Variants in PTPN21 observed in about 807,000 individuals in gnomAD.
PTPN21 encodes the protein tyrosine-protein phosphatase non-receptor type 21.
In PTPN21, 77 loss-of-function variants were observed where a neutral mutation model predicts 131.8. The observed-to-expected ratio is 0.58, with a 90% CI of 0.49 to 0.71. The LOEUF (loss-of-function observed/expected upper bound fraction) is 0.71, where lower values mean the gene tolerates loss of function less well. PTPN21 is among the 30% of genes least tolerant of loss of function. The pLI is 0.00. For synonymous variants in PTPN21, 715 were observed against 621.3 expected, an observed-to-expected ratio of 1.15 and a Z score of -2.24; for missense variants, 1,552 against 1,527.1, an observed-to-expected ratio of 1.02 and a Z score of -0.27.
rs199528763 is a variant in PTPN21 at position 88,468,920 on chromosome 14, T to C, written c.3392A>G (p.Asn1131Ser). The C allele has an allele frequency of 9.9e-5, 159 of 1,613,980 alleles. No individual in the cohort carries two copies. Among genetic ancestry groups the C allele is most frequent in the Middle Eastern group, 4.9e-4 (3 of 6,076 alleles). Residue 1131 changes from asparagine (N) to serine (S), a missense_variant, in exon 18 of 19, where the codon AAT (asparagine) becomes AGT (serine). This residue lies in a region of PTPN21 where 316 missense variants were observed against 378.5 expected (regional missense o/e 0.83). Transcript: ENST00000556564. ...GGTGATCATAAGCGCCATCACCTCA[T>C]TGTGTTCCAGGCAGGCGATCATGAT... ...SEIMIACLEHNEVLDIPRVLD... is the reference protein window; with the variant it reads ...SEIMIACLEHSEVLDIPRVLD...
chr14:88,508,476 A>T (rs188781047), intron 3 of PTPN21, among the ~76,000 whole-genome samples: 192 of 152,284 alleles, frequency 1.3e-3, no homozygotes, highest in African/African-American at 4.4e-3. Context: ...AGGATGAGAA[A>T]GTCCTCAACC....
intron 14 of PTPN21, 127 bp downstream of exon 14, chr14:88,473,538 A>G: frequency 8.3e-7 from 1 of 1,199,464 alleles, no homozygotes; most frequent in East Asian, 2.6e-5. Context: ...CCATATTACA[A>G]AATTCCTTAA....
intron 10 of PTPN21, among the ~76,000 whole-genome samples, chr14:88,486,753 G>T (rs1038114315): frequency 1.3e-5 from 2 of 152,040 alleles, no homozygotes; most frequent in Non-Finnish European, 2.9e-5. Context: ...AAGGCGGGTG[G>T]ATCACCTGAA....
At chr14:88,492,080 C>T (rs1282461303) in intron 10 of PTPN21, among the ~76,000 whole-genome samples, 2 of 151,196 alleles carry the variant, frequency 1.3e-5, no homozygotes, top group Non-Finnish European at 2.9e-5. Flanking sequence ...CAGGCACTAA[C>T]CACCAACCAA....
rs1158136561 is a variant in PTPN21 at position 88,500,909 on chromosome 14, C to G, written c.676-38G>C. 6 of 1,469,754 alleles carry G rather than the reference C, an allele frequency of 4.1e-6. No homozygotes were observed. In the Admixed American group the frequency reaches 5.0e-5, roughly 12 times the overall value. The allele number at this position is 1,469,754 out of a possible 1,614,324, so 91.0% of individuals were successfully genotyped here. Reference sequence around the variant, plus strand: ...AGCAGAAGAAGAAACACCCAGGAAGCAGATGCAGAGGAACTGCTGCTAGAG... The same window carrying G: ...AGCAGAAGAAGAAACACCCAGGAAGGAGATGCAGAGGAACTGCTGCTAGAG... On this transcript the variant is annotated intron_variant, in intron 7 of 18. Coordinates refer to ENST00000556564, the MANE Select transcript of PTPN21 (RefSeq NM_007039.4).
In PTPN21 at chr14:88,517,253, G is replaced by T; in HGVS notation, c.189C>A (p.Tyr63Ter). 6.2e-7 allele frequency: 1 copy of T among 1,613,964 alleles called. No individual in the cohort carries two copies. Among genetic ancestry groups the T allele is most frequent in the Non-Finnish European group, 8.5e-7 (1 of 1,179,874 alleles). Reference protein sequence around the residue: ...AQRLELREVTYFSLWYYNKQN... With the variant: ...AQRLELREVT ...GCTTGTTGTAGTACCAGAGGCTGAAGTAAGTGACCTGGAAAGACAGAAGGT... is the reference window on the plus strand; with the variant it reads ...GCTTGTTGTAGTACCAGAGGCTGAATTAAGTGACCTGGAAAGACAGAAGGT... The change falls in exon 3 of 19, where the codon TAC becomes TAA. Residue 63 changes from tyrosine (Y) to a stop codon, truncating the protein, a stop_gained. Coordinates refer to ENST00000556564, the MANE Select transcript of PTPN21 (RefSeq NM_007039.4). LOFTEE classifies it high-confidence loss of function.
intron 2 of PTPN21, among the ~76,000 whole-genome samples, chr14:88,523,137 A>G (rs1434104137): frequency 6.6e-6 from 1 of 152,168 alleles, no homozygotes; most frequent in African/African-American, 2.4e-5. Context: ...CAGACAAAAG[A>G]TAACCACAAG....
chr14:88,507,506 AG>A (rs1199158757), intron 4 of PTPN21, among the ~76,000 whole-genome samples: 1 of 152,198 alleles, frequency 6.6e-6, no homozygotes, highest in East Asian at 1.9e-4. Flanking sequence ...TGAATACTGT[AG>A]GCAACTGTAA....
intron 3 of PTPN21, among the ~76,000 whole-genome samples, chr14:88,515,669 C>T (rs2078258130): frequency 1.3e-5 from 2 of 152,130 alleles, no homozygotes; most frequent in South Asian, 2.1e-4. Flanking sequence ...CTTTCCTGTT[C>T]AAGTTCCCCT....
chr14:88,494,352 C>T (rs1262586704), intron 10 of PTPN21, among the ~76,000 whole-genome samples: 1 of 152,164 alleles, frequency 6.6e-6, no homozygotes, highest in South Asian at 2.1e-4. Context: ...AAGGACCACA[C>T]TGTGTATGGC....
chr14:88,532,616 T>C (rs946064436), intron 2 of PTPN21, among the ~76,000 whole-genome samples: 2 of 152,180 alleles, frequency 1.3e-5, no homozygotes, highest in Non-Finnish European at 2.9e-5. Flanking sequence ...TTTTATGGAT[T>C]TTTTTTCTTA....
chr14:88,480,519 G>A (rs1158701016), intron 12 of PTPN21, among the ~76,000 whole-genome samples, 167 bp from the exon 13 acceptor site: 1 of 152,074 alleles, frequency 6.6e-6, no homozygotes, highest in Non-Finnish European at 1.5e-5. Flanking sequence ...TGGGAGCTTC[G>A]GCTTCCTCAT....
Position 88,478,932 on chromosome 14 carries a change from GA to G in PTPN21, c.2498del (p.Leu833ProfsTer4). 1.3e-6 allele frequency: 2 copies of G among 1,504,738 alleles called. No homozygotes were observed. The highest frequency in any genetic ancestry group is 1.8e-6 in the Non-Finnish European group (2 of 1,127,732). The allele number at this position is 1,504,738 out of a possible 1,614,324, so 93.2% of individuals were successfully genotyped here. On this transcript the variant is annotated frameshift_variant, in exon 13 of 19. Coordinates refer to ENST00000556564, the MANE Select transcript of PTPN21 (RefSeq NM_007039.4). LOFTEE classifies it high-confidence loss of function. The part of the protein sequence containing the change: ...LSGKKNIVEG[L>X]PPLGGMKKTR... ...CCGCGTGGCTTACCCCTAGAGGCGG[GA>G]GCCCTTCCACGATGTTCTTCTTCCC...
At chr14:88,504,300 G>T in intron 6 of PTPN21, 125 bp downstream of exon 6, 1 of 749,740 alleles carries the variant, frequency 1.3e-6, no homozygotes, top group Non-Finnish European at 2.2e-6. Context: ...AGTAGTGGCA[G>T]TAATGTTCCA....
At chr14:88,519,320 G>C (rs2078353324) in intron 2 of PTPN21, among the ~76,000 whole-genome samples, 1 of 152,202 alleles carries the variant, frequency 6.6e-6, no homozygotes. Context: ...ACAGAACTTA[G>C]TGTGATGATG....
Position 88,468,107 on chromosome 14 carries a change from A to C in PTPN21, c.*30T>G, listed in dbSNP as rs781291905. The C allele has an allele frequency of 6.2e-7, 1 of 1,612,366 alleles. No homozygotes were observed. The highest frequency in any genetic ancestry group is 8.5e-7 in the Non-Finnish European group (1 of 1,178,592). On this transcript the variant is annotated 3_prime_UTR_variant, in exon 19 of 19. Transcript: ENST00000556564. Reference sequence around the variant, plus strand: ...TTTTTTTAAGCTGTAAACGCTTCACATGACTGGCCCCGTAAGAAATTGTGG... The same window carrying C: ...TTTTTTTAAGCTGTAAACGCTTCACCTGACTGGCCCCGTAAGAAATTGTGG...
intron 13 of PTPN21, among the ~76,000 whole-genome samples, chr14:88,474,132 A>G (rs60236949): frequency 0.016 from 1,352 of 82,492 alleles, 7 homozygotes; most frequent in Non-Finnish European, 0.025. Context: ...GCTGAAGTCC[A>G]AAAAAAAAAA....
At chr14:88,511,191 C>T (rs2078174810) in intron 3 of PTPN21, among the ~76,000 whole-genome samples, 1 of 151,910 alleles carries the variant, frequency 6.6e-6, no homozygotes, top group African/African-American at 2.4e-5. Flanking sequence ...GCTGGGATTA[C>T]AAGCATGAGC....
intron 1 of PTPN21, among the ~76,000 whole-genome samples, chr14:88,554,278 C>T (rs1488041314): frequency 6.6e-6 from 1 of 152,160 alleles, no homozygotes; most frequent in East Asian, 1.9e-4. Context: ...CAAACCCAGG[C>T]GTTACCAAAC....
Sources: allele counts gnomAD v4.1 joint callset (sites outside exome capture counted in the v4.1 genomes callset), GRCh38; gene constraint gnomAD v4.1.1; regional missense constraint gnomAD v4.1.1; transcripts MANE v1.5; gene names NCBI Gene and HGNC (gene_info 2026-07-23, HGNC 2026-07-21).